BTAF1: variants seen among roughly 807,000 people sequenced by gnomAD.
The protein encoded by BTAF1 is B-TFIID TATA-box binding protein associated factor 1.
BTAF1 carries 38 observed loss-of-function variants against 227.1 expected under a neutral mutation model. That is an observed-to-expected ratio of 0.17 (90% CI 0.13 to 0.22). The LOEUF is 0.22. Among genes scored for constraint, BTAF1 ranks in the 10% least tolerant of loss-of-function variants. The probability of loss-of-function intolerance (pLI) is 1.00; values close to 1 mark genes in which losing one functional copy is unlikely to be tolerated. For synonymous variants in BTAF1, 742 were observed against 751.9 expected, an observed-to-expected ratio of 0.99 and a Z score of 0.21; for missense variants, 1,598 against 2,204.0, an observed-to-expected ratio of 0.73 and a Z score of 5.51.
chr10:92,001,981 TATATAC>T lies in BTAF1; in HGVS notation c.3660+4232_3660+4237del, dbSNP rs1438271679. ...AAAAAAAAAAAACCATATATATATA[TATATAC>T]ACACACACACACACACACACACACA... On this transcript the variant is annotated intron_variant, in intron 25 of 37. Coordinates refer to ENST00000265990, the MANE Select transcript of BTAF1 (RefSeq NM_003972.3). Among the ~76,000 whole-genome samples, 47 of 92,872 alleles carry T rather than the reference TATATAC, an allele frequency of 5.1e-4. No individual in the cohort carries two copies. In the East Asian group the frequency reaches 0.016, roughly 31 times the overall value. The allele number at this position is 92,872 out of a possible 152,430, so 60.9% of individuals were successfully genotyped here. A position where few individuals can be genotyped will look rare whatever the true frequency, so the allele number is the denominator to read the frequency against.
chr10:91,959,160 T>G lies in BTAF1; in HGVS notation c.990+6T>G. ...GTGACAGCACTTTAGAAGAGGTAAG[T>G]GTATTAATGCAACAATTATCACCAA... On this transcript the variant is annotated splice_donor_region_variant and intron_variant, in intron 9 of 37. Coordinates refer to ENST00000265990, the MANE Select transcript of BTAF1 (RefSeq NM_003972.3). The G allele has an allele frequency of 1.9e-6, 3 of 1,613,886 alleles. No homozygotes were observed. Among genetic ancestry groups the G allele is most frequent in the Non-Finnish European group, 2.5e-6 (3 of 1,179,926 alleles).
At chr10:91,942,846 A>G (rs927289884) in intron 4 of BTAF1, among the ~76,000 whole-genome samples, 42 of 152,288 alleles carry the variant, frequency 2.8e-4, no homozygotes, top group African/African-American at 9.4e-4. Flanking sequence ...TAGTATGGAA[A>G]TTATAAAGTG....
rs750344737 is a variant in BTAF1, at chr10:91,993,751, G to A, written c.3103G>A (p.Val1035Ile). Residue 1035 changes from valine (V) to isoleucine (I), a missense_variant, in exon 22 of 38, where the codon GTA becomes ATA. Around this residue, in one of 10 missense-constraint regions of BTAF1, gnomAD observed 425 missense variants for 491.2 expected, o/e 0.87. Coordinates refer to ENST00000265990, the MANE Select transcript of BTAF1 (RefSeq NM_003972.3). ...RGAEFALTTI[V>I]KHFGGEMAVK... Reference sequence around the variant, plus strand: ...AGCTGAATTTGCTTTGACAACTATAGTAAAGCATTTTGGTGGTGAAATGGC... The same window carrying A: ...AGCTGAATTTGCTTTGACAACTATAATAAAGCATTTTGGTGGTGAAATGGC... 3.1e-6 allele frequency: 5 copies of A among 1,603,564 alleles called. No individual in the cohort carries two copies. The highest frequency in any genetic ancestry group is 2.2e-5 in the East Asian group (1 of 44,716).
intron 33 of BTAF1, among the ~76,000 whole-genome samples, chr10:92,017,176 G>T (rs775972287): frequency 7.2e-5 from 11 of 152,208 alleles, no homozygotes; most frequent in Non-Finnish European, 1.2e-4. Context: ...TGGTTATAGT[G>T]TATCAGAGTC....
Position 92,026,630 on chromosome 10 carries a change from C to A in BTAF1, c.5114C>A (p.Thr1705Asn). ...CCATCTATAGACGTTCTGTTACTTA[C>A]CACTCACGTTGGTGGCCTGGGACTT... The part of the protein sequence containing the change: ...NDPSIDVLLL[T>N]THVGGLGLNL... The change falls in exon 36 of 38, where the codon ACC (threonine) becomes AAC (asparagine). Residue 1705 changes from threonine to asparagine, a missense_variant. Thr to Asn is a moderately conservative substitution (Grantham distance 65). Transcript: ENST00000265990. 6.2e-7 allele frequency: 1 copy of A among 1,613,770 alleles called. No individual in the cohort carries two copies. The highest frequency in any genetic ancestry group is 8.5e-7 in the Non-Finnish European group (1 of 1,179,786).
chr10:92,021,013 G>A (rs1851083165), intron 34 of BTAF1, among the ~76,000 whole-genome samples: 1 of 152,030 alleles, frequency 6.6e-6, no homozygotes, highest in Admixed American at 6.6e-5. Flanking sequence ...CTGTCCTCAC[G>A]GAAGACTTTT....
intron 14 of BTAF1, among the ~76,000 whole-genome samples, chr10:91,971,527 C>T (rs1247904264): frequency 7.1e-6 from 1 of 141,644 alleles, no homozygotes; most frequent in Non-Finnish European, 1.5e-5. Context: ...GGCTGGAGTG[C>T]AACGGCATGA....
rs112721454 is a variant in BTAF1 at position 91,992,317 on chromosome 10, GTTTT to G, written c.3045+20_3045+23del. The G allele has an allele frequency of 7.1e-6, 10 of 1,407,022 alleles. No homozygotes were observed. The highest frequency in any genetic ancestry group is 2.4e-5 in the East Asian group (1 of 41,106). The allele number at this position is 1,407,022 out of a possible 1,614,324, so 87.2% of individuals were successfully genotyped here. A position where few individuals can be genotyped will look rare whatever the true frequency, so the allele number is the denominator to read the frequency against. On this transcript the variant is annotated intron_variant, in intron 21 of 37. Coordinates refer to ENST00000265990, the MANE Select transcript of BTAF1 (RefSeq NM_003972.3). ...CTTGTTGAACTTGATGAGGTAAGTA[GTTTT>G]TTTTTTTTTTTAATGCTTTGATTTT...
chr10:91,939,945 T>C lies in BTAF1; in HGVS notation c.139-7T>C, dbSNP rs1448152093. 6.3e-7 allele frequency: 1 copy of C among 1,585,012 alleles called. No individual in the cohort carries two copies. The highest frequency in any genetic ancestry group is 2.2e-5 in the East Asian group (1 of 44,654). Reference sequence around the variant, plus strand: ...GTATACGTAACTTTTATTTTATAATTTTTAAGGTGTTGATATATTTAAGGA... The same window carrying C: ...GTATACGTAACTTTTATTTTATAATCTTTAAGGTGTTGATATATTTAAGGA... On this transcript the variant is annotated splice_region_variant and splice_polypyrimidine_tract_variant and intron_variant, in intron 2 of 37. Coordinates refer to ENST00000265990, the MANE Select transcript of BTAF1 (RefSeq NM_003972.3).
chr10:92,019,764 C>T (rs148077612), intron 34 of BTAF1, among the ~76,000 whole-genome samples: 1 of 152,278 alleles, frequency 6.6e-6, no homozygotes, highest in East Asian at 1.9e-4. Flanking sequence ...TGATGTTGAG[C>T]ATCTTTTCAT....
At chr10:91,992,051 AT>A in intron 20 of BTAF1, 67 bp from the exon 21 acceptor site, 1 of 1,319,016 alleles carries the variant, frequency 7.6e-7, no homozygotes, top group Non-Finnish European at 1.0e-6. Context: ...TTTATCTCTT[AT>A]GGAGCTGAAA....
chr10:92,018,542 G>A (rs988837110), intron 33 of BTAF1, among the ~76,000 whole-genome samples: 1 of 152,150 alleles, frequency 6.6e-6, no homozygotes, highest in African/African-American at 2.4e-5. Context: ...TTGTCTGGTG[G>A]GGGAGACAGA....
At chr10:92,010,553 A>G (rs762688072) in intron 28 of BTAF1, among the ~76,000 whole-genome samples, 16 of 152,196 alleles carry the variant, frequency 1.1e-4, no homozygotes, top group Non-Finnish European at 2.1e-4. Context: ...GACAATGGGC[A>G]GTCTCTGGCC....
intron 34 of BTAF1, among the ~76,000 whole-genome samples, chr10:92,021,285 T>C (rs1422319159): frequency 6.6e-6 from 1 of 152,146 alleles, no homozygotes; most frequent in African/African-American, 2.4e-5. Flanking sequence ...GTGAAATTAA[T>C]GGAGATAAGC....
intron 34 of BTAF1, among the ~76,000 whole-genome samples, chr10:92,024,009 C>T (rs1314260949): frequency 6.6e-6 from 1 of 152,198 alleles, no homozygotes; most frequent in Non-Finnish European, 1.5e-5. Flanking sequence ...ATTGGGTATA[C>T]TGTTTGTCAA....
In BTAF1 at chr10:92,008,243, C is replaced by G; in HGVS notation, c.3781C>G (p.Pro1261Ala). The change falls in exon 26 of 38, where the codon CCA becomes GCA. Residue 1261 changes from proline (P) to alanine (A), a missense_variant. Transcript: ENST00000265990. ...ATTGGAAAATTATAAAATTCCAGTA[C>G]CAATCAATGCTGAACTCAGAAAATA... ...KKLENYKIPVPINAELRKYQQ... is the reference protein window; with the variant it reads ...KKLENYKIPVAINAELRKYQQ... 6.3e-7 allele frequency: 1 copy of G among 1,589,906 alleles called. No homozygotes were observed. Among genetic ancestry groups the G allele is most frequent in the Non-Finnish European group, 8.5e-7 (1 of 1,174,418 alleles).
At chr10:91,978,553 C>G (rs1480299096) in intron 14 of BTAF1, among the ~76,000 whole-genome samples, 2 of 152,056 alleles carry the variant, frequency 1.3e-5, no homozygotes, top group African/African-American at 4.8e-5. Flanking sequence ...TTCTCTTTGT[C>G]TAGAACTTAA....
chr10:92,000,352 G>A (rs1015610991), intron 25 of BTAF1, among the ~76,000 whole-genome samples: 6 of 152,182 alleles, frequency 3.9e-5, no homozygotes, highest in Non-Finnish European at 8.8e-5. Context: ...AAACAAAGGA[G>A]ATGATGACCG....
At chr10:91,945,882 T>G (rs1320225046) in intron 4 of BTAF1, among the ~76,000 whole-genome samples, 1 of 152,218 alleles carries the variant, frequency 6.6e-6, no homozygotes, top group Non-Finnish European at 1.5e-5. Flanking sequence ...AACAGCTGCA[T>G]CATTTTACAT....
Sources: allele counts gnomAD v4.1 joint callset (sites outside exome capture counted in the v4.1 genomes callset), GRCh38; gene constraint gnomAD v4.1.1; regional missense constraint gnomAD v4.1.1; transcripts MANE v1.5; gene names NCBI Gene and HGNC (gene_info 2026-07-23, HGNC 2026-07-21).